SCHIP1: variants seen among roughly 807,000 people sequenced by gnomAD.
SCHIP1 encodes the protein schwannomin interacting protein 1, also known as schwannomin-interacting protein 1.
A neutral mutation model predicts 29.7 loss-of-function variants in SCHIP1; 8 were observed. The ratio of observed to expected loss-of-function variants is 0.27; its 90% CI spans 0.16 to 0.49. The LOEUF (loss-of-function observed/expected upper bound fraction) is 0.49. Ranked by LOEUF, SCHIP1 falls within the 20% of genes least tolerant of loss-of-function variation. The pLI, the probability that SCHIP1 is intolerant of heterozygous loss-of-function variation, is 0.99. For synonymous variants in SCHIP1, 76 were observed against 94.9 expected (o/e 0.80, Z 1.16); for missense variants, 193 against 294.6 (o/e 0.66, Z 2.52).
the SCHIP1 span, among the ~76,000 whole-genome samples, chr3:159,810,933 G>T: frequency 6.6e-6 from 1 of 152,086 alleles, no homozygotes; most frequent in East Asian, 1.9e-4. Flanking sequence ...GGCAATGTAT[G>T]AGGCTTACGG....
chr3:159,678,731 G>C, the SCHIP1 span, among the ~76,000 whole-genome samples: 3 of 152,194 alleles, frequency 2.0e-5, no homozygotes, highest in Non-Finnish European at 4.4e-5. Context: ...AAAGGAAAGA[G>C]GTTTAATTGA....
the SCHIP1 span, among the ~76,000 whole-genome samples, chr3:159,769,309 A>G: frequency 6.6e-6 from 1 of 151,544 alleles, no homozygotes; most frequent in Non-Finnish European, 1.5e-5. Flanking sequence ...GCCTCAGTGT[A>G]CTCTTCCTCC....
chr3:159,686,854 A>C, the SCHIP1 span, among the ~76,000 whole-genome samples: 1 of 144,890 alleles, frequency 6.9e-6, no homozygotes, highest in African/African-American at 2.9e-5. Context: ...GTAACTTAGA[A>C]CTAATCTAAG....
At chr3:159,531,462 C>T in the SCHIP1 span, among the ~76,000 whole-genome samples, 3 of 152,280 alleles carry the variant, frequency 2.0e-5, no homozygotes, top group East Asian at 1.9e-4. Flanking sequence ...TTTAAGTTAA[C>T]GCTATCTCTT....
At chr3:159,533,934 G>A in the SCHIP1 span, among the ~76,000 whole-genome samples, 3 of 152,304 alleles carry the variant, frequency 2.0e-5, no homozygotes, top group Non-Finnish European at 4.4e-5. Context: ...ATTAGCAATA[G>A]TGCTAAGCCT....
At chr3:159,326,454 C>A in the SCHIP1 span, among the ~76,000 whole-genome samples, 1 of 152,054 alleles carries the variant, frequency 6.6e-6, no homozygotes, top group East Asian at 1.9e-4. Context: ...ACAATTATGT[C>A]CAAATATTAT....
the SCHIP1 span, among the ~76,000 whole-genome samples, chr3:159,814,334 G>T: frequency 2.6e-5 from 4 of 152,188 alleles, no homozygotes; most frequent in Admixed American, 2.0e-4. Context: ...TTTACTGCCT[G>T]TATTCCCTCA....
At chr3:159,562,275 A>G in the SCHIP1 span, among the ~76,000 whole-genome samples, 1 of 152,188 alleles carries the variant, frequency 6.6e-6, no homozygotes, top group Non-Finnish European at 1.5e-5. Flanking sequence ...AAATCTAACT[A>G]ATAAACAATT....
chr3:159,419,741 G>A, the SCHIP1 span, among the ~76,000 whole-genome samples: 20 of 152,260 alleles, frequency 1.3e-4, no homozygotes, highest in Admixed American at 2.0e-4. Context: ...CCCAGGAGGC[G>A]GAGGTTGCAG....
chr3:159,765,316 T>G, the SCHIP1 span: 1 of 708,482 alleles, frequency 1.4e-6, no homozygotes, highest in East Asian at 3.3e-5. Context: ...TTGCTCGGTC[T>G]GTGAGCTGTC....
the SCHIP1 span, among the ~76,000 whole-genome samples, chr3:159,625,337 T>TA: frequency 6.6e-6 from 1 of 152,140 alleles, no homozygotes; most frequent in Non-Finnish European, 1.5e-5. Flanking sequence ...AGCCCACACA[T>TA]AATAAGTGTT....
chr3:159,418,559 T>C, the SCHIP1 span, among the ~76,000 whole-genome samples: 1 of 152,232 alleles, frequency 6.6e-6, no homozygotes, highest in Admixed American at 6.5e-5. Context: ...ACTTCTAAAT[T>C]TTACTAACAT....
the SCHIP1 span, among the ~76,000 whole-genome samples, chr3:159,585,568 G>T: frequency 6.6e-6 from 1 of 152,088 alleles, no homozygotes; most frequent in Non-Finnish European, 1.5e-5. Context: ...TGCCTTTCAG[G>T]TTGTGATTTC....
the SCHIP1 span, among the ~76,000 whole-genome samples, chr3:159,590,657 C>T: frequency 6.6e-6 from 1 of 152,116 alleles, no homozygotes; most frequent in East Asian, 1.9e-4. Context: ...TTAAATCCCT[C>T]TCCCTGTGTA....
At chr3:159,643,465 C>G in the SCHIP1 span, among the ~76,000 whole-genome samples, 1 of 152,134 alleles carries the variant, frequency 6.6e-6, no homozygotes, top group East Asian at 1.9e-4. Context: ...GTCATACATC[C>G]TAGAATACTC....
chr3:159,881,272 G>T (rs1716409892), intron 2 of SCHIP1, among the ~76,000 whole-genome samples: 2 of 152,112 alleles, frequency 1.3e-5, no homozygotes, highest in South Asian at 4.2e-4. Context: ...AACAGAAAAA[G>T]ATATAGTATA....
the SCHIP1 span, among the ~76,000 whole-genome samples, chr3:159,786,609 C>T: frequency 6.6e-6 from 1 of 151,868 alleles, no homozygotes; most frequent in East Asian, 1.9e-4. Flanking sequence ...GGTCATAAAT[C>T]ATAGTTTAGT....
the SCHIP1 span, among the ~76,000 whole-genome samples, chr3:159,656,554 T>C: frequency 6.6e-6 from 1 of 151,846 alleles, no homozygotes; most frequent in Non-Finnish European, 1.5e-5. Context: ...TGGTGTTCTG[T>C]AGATTACAAA....
At chr3:159,387,540 T>A in the SCHIP1 span, 2 of 160,254 alleles carry the variant, frequency 1.2e-5, no homozygotes, top group Non-Finnish European at 2.7e-5. Context: ...TTTTGACCAA[T>A]GAATTCAGAT....
Sources: allele counts gnomAD v4.1 joint callset (sites outside exome capture counted in the v4.1 genomes callset), GRCh38; gene constraint gnomAD v4.1.1; transcripts MANE v1.5; gene names NCBI Gene and HGNC (gene_info 2026-07-23, HGNC 2026-07-21).